The following METTL15 variants were observed in gnomAD, a reference collection of about 807,000 sequenced individuals.
METTL15 encodes methyltransferase 15, mitochondrial 12S rRNA N4-cytidine.
METTL15 carries 34 observed loss-of-function variants against 38.3 expected under a neutral mutation model. The ratio of observed to expected loss-of-function variants is 0.89; its 90% CI spans 0.68 to 1.18. The LOEUF is 1.18. Ranked by LOEUF, METTL15 falls within the 50% of genes most tolerant of loss-of-function variation. The pLI, the probability that METTL15 is intolerant of heterozygous loss-of-function variation, is 0.00. For synonymous variants in METTL15, 162 were observed against 170.9 expected (o/e 0.95, Z 0.41); for missense variants, 438 against 498.4 (o/e 0.88, Z 1.15).
intron 1 of METTL15, among the ~76,000 whole-genome samples, chr11:28,109,384 A>G (rs186226087): frequency 7.0e-4 from 106 of 152,290 alleles, no homozygotes; most frequent in African/African-American, 2.3e-3. Context: ...CTCATTGTAT[A>G]GTACTTTACG....
At chr11:28,473,853 G>A (rs1590386835) in intron 6 of METTL15, among the ~76,000 whole-genome samples, 1 of 151,848 alleles carries the variant, frequency 6.6e-6, no homozygotes, top group African/African-American at 2.4e-5. Flanking sequence ...TATCTGCTTG[G>A]TGAGAACCTA....
intron 3 of METTL15, among the ~76,000 whole-genome samples, chr11:28,141,821 A>G (rs891661060): frequency 6.6e-6 from 1 of 152,222 alleles, no homozygotes; most frequent in East Asian, 1.9e-4. Flanking sequence ...TTAGGTCCTT[A>G]CCATAATTCT....
At chr11:28,410,261 A>C (rs1850713115) in intron 5 of METTL15, among the ~76,000 whole-genome samples, 1 of 152,166 alleles carries the variant, frequency 6.6e-6, no homozygotes, top group African/African-American at 2.4e-5. Context: ...CATACTTCTA[A>C]ACACATTTTG....
chr11:28,132,233 G>A (rs963662955), intron 3 of METTL15, among the ~76,000 whole-genome samples: 6 of 152,058 alleles, frequency 3.9e-5, no homozygotes, highest in African/African-American at 1.2e-4. Flanking sequence ...CCCTGTAAAG[G>A]TCATAGCAAC....
At chr11:28,171,290 A>G (rs1217535546) in intron 3 of METTL15, among the ~76,000 whole-genome samples, 4 of 152,182 alleles carry the variant, frequency 2.6e-5, no homozygotes, top group African/African-American at 9.6e-5. Context: ...ACCTCAGATC[A>G]GTCTTAACTC....
At chr11:28,395,428 G>T (rs1358306130) in intron 5 of METTL15, among the ~76,000 whole-genome samples, 1 of 152,030 alleles carries the variant, frequency 6.6e-6, no homozygotes, top group East Asian at 1.9e-4. Context: ...ACATTGTAGG[G>T]CATTGCCCAG....
At chr11:28,482,156 A>G (rs929501311) in intron 6 of METTL15, among the ~76,000 whole-genome samples, 2 of 152,166 alleles carry the variant, frequency 1.3e-5, no homozygotes, top group African/African-American at 2.4e-5. Context: ...CAAGTGGGGA[A>G]GCTGTCTTCA....
chr11:28,152,463 A>T (rs1565127283), intron 3 of METTL15, among the ~76,000 whole-genome samples: 1 of 152,152 alleles, frequency 6.6e-6, no homozygotes, highest in African/African-American at 2.4e-5. Flanking sequence ...ATGGTCACTA[A>T]ATTTTGTTTT....
chr11:28,123,668 G>A (rs749156427), intron 3 of METTL15, among the ~76,000 whole-genome samples: 1 of 151,630 alleles, frequency 6.6e-6, no homozygotes, highest in African/African-American at 2.4e-5. Flanking sequence ...TCTCTCTGTT[G>A]GTCTGTATAA....
intron 4 of METTL15, among the ~76,000 whole-genome samples, chr11:28,273,149 T>C (rs1170219782): frequency 2.0e-5 from 3 of 152,196 alleles, no homozygotes; most frequent in Non-Finnish European, 4.4e-5. Flanking sequence ...ATAGGGACTA[T>C]GTCTTCCTTT....
At chr11:28,324,446 A>T (rs1394676633) in intron 6 of METTL15, among the ~76,000 whole-genome samples, 1 of 152,214 alleles carries the variant, frequency 6.6e-6, no homozygotes, top group Non-Finnish European at 1.5e-5. Context: ...TGAGGTTAAA[A>T]TTATTTGCAG....
At chr11:28,385,798 A>G (rs1850433845) in intron 5 of METTL15, among the ~76,000 whole-genome samples, 1 of 151,660 alleles carries the variant, frequency 6.6e-6, no homozygotes, top group African/African-American at 2.4e-5. Context: ...TTTGTTTTTA[A>G]TTTTCTGTGT....
At chr11:28,111,943 A>G (rs1460438268) in intron 2 of METTL15, among the ~76,000 whole-genome samples, 1 of 151,972 alleles carries the variant, frequency 6.6e-6, no homozygotes, top group Non-Finnish European at 1.5e-5. Context: ...CCAAAAATCT[A>G]CTTAGATCAC....
intron 6 of METTL15, among the ~76,000 whole-genome samples, chr11:28,454,511 G>A (rs994656919): frequency 2.6e-5 from 4 of 152,136 alleles, no homozygotes; most frequent in South Asian, 4.1e-4. Flanking sequence ...AATGTTTCAG[G>A]CCCCATGTCT....
intron 4 of METTL15, among the ~76,000 whole-genome samples, chr11:28,272,234 T>C (rs1414972513): frequency 6.6e-6 from 1 of 152,102 alleles, no homozygotes; most frequent in African/African-American, 2.4e-5. Flanking sequence ...ACCCAAAGGA[T>C]TATAAATAAT....
chr11:28,304,209 T>C (rs544208337), intron 6 of METTL15, among the ~76,000 whole-genome samples: 1 of 152,144 alleles, frequency 6.6e-6, no homozygotes, highest in Non-Finnish European at 1.5e-5. Context: ...TTGTGATAGA[T>C]TGATCACTTC....
intron 3 of METTL15, among the ~76,000 whole-genome samples, chr11:28,204,204 A>G (rs547789295): frequency 2.6e-5 from 4 of 151,928 alleles, no homozygotes; most frequent in Non-Finnish European, 5.9e-5. Flanking sequence ...TTTTCCTCAA[A>G]TGCTGGTTTG....
intron 5 of METTL15, among the ~76,000 whole-genome samples, chr11:28,415,846 C>G (rs561850603): frequency 1.3e-5 from 2 of 152,144 alleles, no homozygotes; most frequent in South Asian, 4.2e-4. Context: ...GTAGCTTAGG[C>G]AGAAAGGGGT....
At chr11:28,282,315 A>G (rs894115825) in intron 4 of METTL15, among the ~76,000 whole-genome samples, 2 of 152,212 alleles carry the variant, frequency 1.3e-5, no homozygotes, top group Non-Finnish European at 2.9e-5. Flanking sequence ...CCGACACTGC[A>G]TGTTTCTCTT....
Sources: gnomAD v4.1 joint callset for allele counts (sites outside exome capture counted in the v4.1 genomes callset) on GRCh38, gnomAD v4.1.1 for gene constraint, MANE v1.5 for transcripts, NCBI Gene and HGNC (gene_info 2026-07-23, HGNC 2026-07-21) for gene names.